The following ANO2 variants were observed in gnomAD, a reference collection of about 807,000 sequenced individuals.
The protein encoded by ANO2 is anoctamin-2.
A neutral mutation model predicts 124.2 loss-of-function variants in ANO2; 101 were observed. The ratio of observed to expected loss-of-function variants is 0.81; its 90% CI spans 0.69 to 0.96. The LOEUF is 0.96. Among genes scored for constraint, ANO2 ranks in the 40% least tolerant of loss-of-function variants. The pLI is 0.00. For synonymous variants in ANO2, 486 were observed against 482.5 expected, an observed-to-expected ratio of 1.01 and a Z score of -0.09; for missense variants, 1,293 against 1,274.5, an observed-to-expected ratio of 1.01 and a Z score of -0.22.
chr12:5,564,078 G>T (rs1048739204), intron 24 of ANO2, among the ~76,000 whole-genome samples: 3 of 152,162 alleles, frequency 2.0e-5, no homozygotes, highest in African/African-American at 7.2e-5. Context: ...CACTAGAGAC[G>T]GACTTGAGGT....
At chr12:5,924,098 C>T (rs1043793656) in intron 1 of ANO2, among the ~76,000 whole-genome samples, 1 of 152,144 alleles carries the variant, frequency 6.6e-6, no homozygotes, top group Non-Finnish European at 1.5e-5. Context: ...GAAGTAACAC[C>T]TTATGTCTCC....
At chr12:5,798,841 C>G (rs1160348268) in intron 10 of ANO2, among the ~76,000 whole-genome samples, 1 of 152,246 alleles carries the variant, frequency 6.6e-6, no homozygotes, top group Non-Finnish European at 1.5e-5. Flanking sequence ...GCCCAACATT[C>G]CAGCCAGAAG....
chr12:5,794,053 T>G (rs1952776789), intron 10 of ANO2, among the ~76,000 whole-genome samples: 1 of 152,232 alleles, frequency 6.6e-6, no homozygotes, highest in Non-Finnish European at 1.5e-5. Context: ...CATCCTTGTT[T>G]CTGCCTCACC....
intron 16 of ANO2, among the ~76,000 whole-genome samples, chr12:5,626,216 C>T (rs1374824996): frequency 3.3e-5 from 5 of 152,042 alleles, no homozygotes; most frequent in Admixed American, 2.0e-4. Context: ...GGATCTGTTG[C>T]GTTTTGAAGA....
chr12:5,590,188 G>A (rs139203051), intron 20 of ANO2, among the ~76,000 whole-genome samples: 262 of 152,262 alleles, frequency 1.7e-3, no homozygotes, highest in African/African-American at 6.1e-3. Flanking sequence ...ACACAAATTC[G>A]TAAACTTTCT....
intron 11 of ANO2, 54 bp from the exon 12 acceptor site, chr12:5,744,371 A>G (rs1951204611): frequency 3.1e-6 from 5 of 1,596,264 alleles, no homozygotes; most frequent in Admixed American, 1.7e-5. Context: ...GGTCCACTCC[A>G]AGAAAAATAC....
At chr12:5,807,275 A>C in intron 8 of ANO2, 38 bp downstream of exon 8, 6 of 1,525,070 alleles carry the variant, frequency 3.9e-6, no homozygotes, top group Non-Finnish European at 5.3e-6. Flanking sequence ...CAAAGTTTTG[A>C]AGACTACAGA....
chr12:5,590,661 A>G (rs1943350901), intron 20 of ANO2, among the ~76,000 whole-genome samples: 1 of 152,204 alleles, frequency 6.6e-6, no homozygotes, highest in Admixed American at 6.5e-5. Flanking sequence ...CCCAAAGACA[A>G]GGCCAAAAGA....
chr12:5,656,268 A>T (rs1430356573), intron 14 of ANO2, among the ~76,000 whole-genome samples: 3 of 152,164 alleles, frequency 2.0e-5, no homozygotes, highest in Non-Finnish European at 4.4e-5. Context: ...TTAAGCTCCA[A>T]ACTCATTTGT....
chr12:5,610,001 AAG>A (rs1944409239), intron 19 of ANO2, among the ~76,000 whole-genome samples: 1 of 141,052 alleles, frequency 7.1e-6, no homozygotes, highest in African/African-American at 2.6e-5. Flanking sequence ...ATTTATATAT[AAG>A]TATATTTATC....
At position 5,922,839 on chromosome 12, in the gene ANO2, C is replaced by T. The variant is rs536875756; in HGVS notation, c.23-35G>A. 2.7e-6 allele frequency: 4 copies of T among 1,462,616 alleles called. No homozygotes were observed. The East Asian group carries it at 1.0e-4, about 38-fold the overall frequency. The allele number at this position is 1,462,616 out of a possible 1,614,324, so 90.6% of individuals were successfully genotyped here. On this transcript the variant is annotated intron_variant, in intron 1 of 24. Coordinates refer to ENST00000682330, the MANE Select transcript of ANO2 (RefSeq NM_001364791.2). ...GGAAAGACAAGGGAGGCAAAACAGC[C>T]TCAGGTGAAGGAAATCCAAGACACT...
rs1946052793 is a variant in ANO2, at chr12:5,636,978, G to A, written c.1621-1631C>T. Among the ~76,000 whole-genome samples the A allele has an allele frequency of 6.6e-6, 1 of 151,814 alleles. No individual in the cohort carries two copies. The highest frequency in any genetic ancestry group is 1.5e-5 in the Non-Finnish European group (1 of 67,950). On this transcript the variant is annotated intron_variant, in intron 15 of 24. Transcript: ENST00000682330. This position sits in a 1 kb window ranked among gnomAD's most constrained non-coding sequence, Gnocchi z 4.6. ...GAAAGGTGGCGTTCTCTGGGTAGAG[G>A]AAGGCTGTGTGTGTTTGGGTGTGTG...
chr12:5,662,254 T>C (rs755479930), intron 14 of ANO2, among the ~76,000 whole-genome samples: 2 of 152,262 alleles, frequency 1.3e-5, no homozygotes, highest in Non-Finnish European at 2.9e-5. Flanking sequence ...ACCTTGCATT[T>C]TGTGAATTTA....
At chr12:5,876,858 A>C (rs1297381335) in intron 3 of ANO2, among the ~76,000 whole-genome samples, 1 of 152,220 alleles carries the variant, frequency 6.6e-6, no homozygotes, top group Non-Finnish European at 1.5e-5. Context: ...GGATAGCATT[A>C]GGAGAAATAC....
intron 3 of ANO2, among the ~76,000 whole-genome samples, chr12:5,892,869 G>A (rs1033057534): frequency 6.6e-6 from 1 of 152,158 alleles, no homozygotes; most frequent in African/African-American, 2.4e-5. Flanking sequence ...TGTGCAAATA[G>A]ACTATTCTCA....
At chr12:5,838,151 T>C (rs151090862) in intron 4 of ANO2, among the ~76,000 whole-genome samples, 71 of 152,288 alleles carry the variant, frequency 4.7e-4, no homozygotes, top group African/African-American at 1.6e-3. Flanking sequence ...ACCTTGGCAA[T>C]AGATCTGCTA....
At chr12:5,913,989 C>T (rs1018750100) in intron 3 of ANO2, among the ~76,000 whole-genome samples, 2 of 152,018 alleles carry the variant, frequency 1.3e-5, no homozygotes, top group African/African-American at 4.8e-5. Flanking sequence ...ATCACACAGT[C>T]AGGAGTTGGA....
intron 14 of ANO2, among the ~76,000 whole-genome samples, chr12:5,702,270 CACTG>C (rs1467502326): frequency 1.3e-5 from 2 of 152,266 alleles, no homozygotes; most frequent in Non-Finnish European, 2.9e-5. Context: ...AATAACACTA[CACTG>C]ACTGCTGCAG....
intron 17 of ANO2, among the ~76,000 whole-genome samples, chr12:5,613,902 T>G (rs1944668322): frequency 6.6e-6 from 1 of 152,216 alleles, no homozygotes; most frequent in Non-Finnish European, 1.5e-5. Context: ...AAAGCACCAA[T>G]GAAGTGTATA....
Sources: gnomAD v4.1 joint callset for allele counts (sites outside exome capture counted in the v4.1 genomes callset) on GRCh38, gnomAD v4.1.1 for gene constraint, Gnocchi (gnomAD v3.1) non-coding constraint, MANE v1.5 for transcripts, NCBI Gene and HGNC (gene_info 2026-07-23, HGNC 2026-07-21) for gene names.